Variants in SYNGR3 observed in about 807,000 individuals in gnomAD.
SYNGR3 encodes the protein synaptogyrin-3.
In SYNGR3, 10 loss-of-function variants were observed where a neutral mutation model predicts 18.5. The ratio of observed to expected loss-of-function variants is 0.54; its 90% CI spans 0.33 to 0.92. SYNGR3 has a LOEUF of 0.92. SYNGR3 is among the 40% of genes least tolerant of loss of function. The pLI is 0.02. For missense variants in SYNGR3, 335 were observed against 332.8 expected, an observed-to-expected ratio of 1.01 and a Z score of -0.05; for synonymous variants, 188 against 157.2, an observed-to-expected ratio of 1.20 and a Z score of -1.47.
chr16:1,993,240 C>A lies in SYNGR3; in HGVS notation c.*168C>A. On this transcript the variant is annotated 3_prime_UTR_variant, in exon 4 of 4. Coordinates refer to ENST00000248121, the MANE Select transcript of SYNGR3 (RefSeq NM_004209.6). ...GTGGACCCGCGTGTCTGGGCTGCCCCTGCCAAGTTCCCCCAGTCCCTCAGC... is the reference window on the plus strand; with the variant it reads ...GTGGACCCGCGTGTCTGGGCTGCCCATGCCAAGTTCCCCCAGTCCCTCAGC... The A allele has an allele frequency of 1.2e-6, 1 of 821,180 alleles. No homozygotes were observed. Among genetic ancestry groups the A allele is most frequent in the Non-Finnish European group, 1.9e-6 (1 of 529,476 alleles). The allele number at this position is 821,180 out of a possible 1,614,324, so 50.9% of individuals were successfully genotyped here.
At position 1,992,075 on chromosome 16, in the gene SYNGR3, C is replaced by T; in HGVS notation, c.201C>T (p.Ala67=). The T allele has an allele frequency of 1.9e-6, 3 of 1,574,244 alleles. No homozygotes were observed. Among genetic ancestry groups the T allele is most frequent in the East Asian group, 2.4e-5 (1 of 42,248 alleles). ...GCGTGTTCAACGGGAACGCGGGCGC[C>T]TGCCGCTTCGGCGTCGCGCTGGGCC... is the stretch of plus-strand genomic sequence containing the variant. The part of the protein sequence containing the change: ...LRCVFNGNAG[A]CRFGVALGLG... Residue 67 remains alanine (A), a synonymous_variant, in exon 2 of 4, where the codon GCC becomes GCT. Coordinates refer to ENST00000248121, the MANE Select transcript of SYNGR3 (RefSeq NM_004209.6).
Position 1,992,659 on chromosome 16 carries a change from G to A in SYNGR3, c.361G>A (p.Val121Met). ...FSGLWSFLWF[V>M]GFCFLTNQWQ... is the part of the protein sequence containing the mutation. The stretch of plus-strand genomic sequence containing the variant: ...AGGACTCTGGTCCTTCCTGTGGTTC[G>A]TGGGCTTCTGCTTCCTCACCAATCA... Residue 121 changes from valine to methionine, a missense_variant, in exon 3 of 4, where the codon GTG becomes ATG. Val to Met is a conservative substitution (Grantham distance 21, BLOSUM62 1). Coordinates refer to ENST00000248121, the MANE Select transcript of SYNGR3 (RefSeq NM_004209.6). 6.2e-7 allele frequency: 1 copy of A among 1,606,064 alleles called. No homozygotes were observed. The highest frequency in any genetic ancestry group is 8.5e-7 in the Non-Finnish European group (1 of 1,177,642).
rs774706315 is a variant in SYNGR3, at chr16:1,994,229, C to T, written c.*1157C>T. 1 of 153,930 alleles carries T rather than the reference C, an allele frequency of 6.5e-6. No individual in the cohort carries two copies. The highest frequency in any genetic ancestry group is 2.4e-5 in the African/African-American group (1 of 41,434). The allele number at this position is 153,930 out of a possible 1,614,324, so 9.5% of individuals were successfully genotyped here. A position where few individuals can be genotyped will look rare whatever the true frequency, so the allele number is the denominator to read the frequency against. On this transcript the variant is annotated 3_prime_UTR_variant, in exon 4 of 4. Transcript: ENST00000248121. ...TGTGTATTTTCAGTGTCCCATGTTC[C>T]GACTGCACCTTCTTTACAATAAAGA... is the stretch of plus-strand genomic sequence containing the variant.
chr16:1,989,995 T>TAGCATCAGCATC lies in SYNGR3; in HGVS notation c.-98_-87dup, dbSNP rs537133163. The TAGCATCAGCATC allele has an allele frequency of 9.2e-6, 3 of 326,126 alleles. No individual in the cohort carries two copies. The highest frequency in any genetic ancestry group is 1.5e-5 in the Non-Finnish European group (3 of 200,412). 20.2% of individuals were successfully genotyped at this position (326,126 alleles called of 1,614,324 possible). On this transcript the variant is annotated 5_prime_UTR_variant, in exon 1 of 4. Coordinates refer to ENST00000248121, the MANE Select transcript of SYNGR3 (RefSeq NM_004209.6). ...GAGGCGGCAGCGGCTGCAGCGTTGG[T>TAGCATCAGCATC]AGCATCAGCATCAGCATCAGCGGCA...
chr16:1,992,443 C>G (rs779569063), intron 2 of SYNGR3, 193 bp from the exon 3 acceptor site: 52 of 886,192 alleles, frequency 5.9e-5, no homozygotes, highest in Admixed American at 5.2e-4. Flanking sequence ...CTGGGCGGAG[C>G]CTGGGCGCGG....
chr16:1,990,632 T>G (rs1243547553), intron 1 of SYNGR3: 1 of 351,610 alleles, frequency 2.8e-6, no homozygotes, highest in South Asian at 1.9e-5. Flanking sequence ...CCCTCGGGTC[T>G]CCTTGGCAGG....
chr16:1,991,299 T>C (rs2083602450), intron 1 of SYNGR3: 1 of 152,318 alleles, frequency 6.6e-6, no homozygotes, highest in Non-Finnish European at 1.5e-5. Flanking sequence ...ATCCCTCGGG[T>C]ACCCACCACG....
Position 1,992,709 on chromosome 16 carries a change from G to T in SYNGR3, c.411G>T (p.Pro137=). The T allele has an allele frequency of 6.2e-7, 1 of 1,600,162 alleles. No individual in the cohort carries two copies. The highest frequency in any genetic ancestry group is 8.5e-7 in the Non-Finnish European group (1 of 1,176,052). ...AGTGGCAGCGCACGGCGCCAGGGCC[G>T]GCCACGACGCAGGCGGGGGACGCGG... is the stretch of plus-strand genomic sequence containing the variant. ...TNQWQRTAPG[P]ATTQAGDAAR... Residue 137 remains proline, a synonymous_variant, in exon 3 of 4, where the codon CCG becomes CCT. Transcript: ENST00000248121.
chr16:1,992,683 C>G lies in SYNGR3; in HGVS notation c.385C>G (p.Gln129Glu). 1 of 1,606,078 alleles carries G rather than the reference C, an allele frequency of 6.2e-7. No individual in the cohort carries two copies. ...WFVGFCFLTNQWQRTAPGPAT... is the reference protein window; with the variant it reads ...WFVGFCFLTNEWQRTAPGPAT... ...CGTGGGCTTCTGCTTCCTCACCAAT[C>G]AGTGGCAGCGCACGGCGCCAGGGCC... The change falls in exon 3 of 4, where the codon CAG (glutamine) becomes GAG (glutamate). Residue 129 changes from glutamine (Q) to glutamate (E), a missense_variant. Transcript: ENST00000248121.
intron 3 of SYNGR3, 42 bp from the exon 4 acceptor site, chr16:1,992,821 T>C: frequency 6.6e-7 from 1 of 1,506,882 alleles, no homozygotes; most frequent in Non-Finnish European, 8.8e-7. Context: ...GGGCGGGCGC[T>C]CGGCTGATCC....
Position 1,991,801 on chromosome 16 carries a change from C to T in SYNGR3, c.100-173C>T, listed in dbSNP as rs1412974301. 7.0e-5 allele frequency: 41 copies of T among 587,304 alleles called. 2 individuals are homozygous for T. The South Asian group carries it at 8.6e-4, about 12-fold the overall frequency. The allele number at this position is 587,304 out of a possible 1,614,324, so 36.4% of individuals were successfully genotyped here. On this transcript the variant is annotated intron_variant, in intron 1 of 3. Transcript: ENST00000248121. The stretch of plus-strand genomic sequence containing the variant: ...CATAGTAGATGCTCACTAAACGGCC[C>T]GTGTTGTCAATAATTACTAAATACG...
At position 1,993,639 on chromosome 16, in the gene SYNGR3, C is replaced by T. The variant is rs938028874; in HGVS notation, c.*567C>T. On this transcript the variant is annotated 3_prime_UTR_variant, in exon 4 of 4. Coordinates refer to ENST00000248121, the MANE Select transcript of SYNGR3 (RefSeq NM_004209.6). ...AGTGTTGTGATCATGGTCCAGTCTT[C>T]GGGTTTCACCTCCTAGTACTCCACA... 1.8e-5 allele frequency: 8 copies of T among 454,862 alleles called. No individual in the cohort carries two copies. Among genetic ancestry groups the T allele is most frequent in the East Asian group, 6.9e-5 (1 of 14,408 alleles). The allele number at this position is 454,862 out of a possible 1,614,324, so 28.2% of individuals were successfully genotyped here. A position where few individuals can be genotyped will look rare whatever the true frequency, so the allele number is the denominator to read the frequency against.
In SYNGR3 at chr16:1,992,727, G is replaced by A. The variant is rs774902575; in HGVS notation, c.429G>A (p.Gly143=). ...TAPGPATTQA[G]DAARAAIAFS... is the part of the protein sequence containing the mutation. ...CAGGGCCGGCCACGACGCAGGCGGG[G>A]GACGCGGCGCGGGCCGCCATCGCCT... The change falls in exon 3 of 4, where the codon GGG becomes GGA. Residue 143 remains glycine (G), a synonymous_variant. Coordinates refer to ENST00000248121, the MANE Select transcript of SYNGR3 (RefSeq NM_004209.6). 6.3e-7 allele frequency: 1 copy of A among 1,591,154 alleles called. No individual in the cohort carries two copies. Among genetic ancestry groups the A allele is most frequent in the Admixed American group, 1.7e-5 (1 of 57,358 alleles).
intron 1 of SYNGR3, chr16:1,991,609 C>G (rs1277640534): frequency 2.5e-5 from 6 of 241,334 alleles, no homozygotes; most frequent in Non-Finnish European, 4.9e-5. Context: ...TTGAATCAAC[C>G]CCGGCTTTTG....
At chr16:1,990,400 G>A (rs2083596577) in intron 1 of SYNGR3, 199 bp downstream of exon 1, 2 of 455,356 alleles carry the variant, frequency 4.4e-6, no homozygotes, top group Non-Finnish European at 8.0e-6. Flanking sequence ...TGCGGGCGGA[G>A]GAGGGGCCGG....
intron 2 of SYNGR3, 37 bp downstream of exon 2, chr16:1,992,248 C>T: frequency 1.1e-5 from 1 of 87,500 alleles, no homozygotes; most frequent in Non-Finnish European, 2.1e-5. Flanking sequence ...GGAGAGCCTT[C>T]CGGGTGGGCG....
intron 1 of SYNGR3, 90 bp downstream of exon 1, chr16:1,990,291 C>CCCCCCCCCCCT: frequency 1.8e-6 from 1 of 544,212 alleles, no homozygotes; most frequent in Non-Finnish European, 2.7e-6. Context: ...CCCCTGCCCC[C>CCCCCCCCCCCT]TGCTTCTCGC....
chr16:1,993,822 C>T lies in SYNGR3; in HGVS notation c.*750C>T. Reference sequence around the variant, plus strand: ...AAGGATGCCTGGGTGCCAGGCAAGACAAGCCCCTCAGCAGGAGAGAGGCCC... The same window carrying T: ...AAGGATGCCTGGGTGCCAGGCAAGATAAGCCCCTCAGCAGGAGAGAGGCCC... On this transcript the variant is annotated 3_prime_UTR_variant, in exon 4 of 4. Transcript: ENST00000248121. 2 of 342,714 alleles carry T rather than the reference C, an allele frequency of 5.8e-6. No homozygotes were observed. The highest frequency in any genetic ancestry group is 3.9e-5 in the Admixed American group (1 of 25,634). The allele number at this position is 342,714 out of a possible 1,614,324, so 21.2% of individuals were successfully genotyped here. A position where few individuals can be genotyped will look rare whatever the true frequency, so the allele number is the denominator to read the frequency against.
rs1314832852 is a variant in SYNGR3, at chr16:1,990,219, G to C, written c.99+18G>C. On this transcript the variant is annotated intron_variant, in intron 1 of 3. Coordinates refer to ENST00000248121, the MANE Select transcript of SYNGR3 (RefSeq NM_004209.6). The stretch of plus-strand genomic sequence containing the variant: ...CGTCCTGGGTGAGTGGTCCCTGCCC[G>C]GGCCCCCGCTCCCGCCCCTGCCTCG... 5 of 1,243,840 alleles carry C rather than the reference G, an allele frequency of 4.0e-6. No individual in the cohort carries two copies. The highest frequency in any genetic ancestry group is 4.1e-6 in the Non-Finnish European group (4 of 984,546). The allele number at this position is 1,243,840 out of a possible 1,614,324, so 77.1% of individuals were successfully genotyped here.
Sources: allele counts gnomAD v4.1 joint callset, GRCh38; gene constraint gnomAD v4.1.1; transcripts MANE v1.5; gene names NCBI Gene and HGNC (gene_info 2026-07-23, HGNC 2026-07-21).